Variants in SIK2 observed in about 807,000 individuals in gnomAD.
SIK2 encodes salt inducible kinase 2.
A neutral mutation model predicts 103.2 loss-of-function variants in SIK2; 29 were observed. That is an observed-to-expected ratio of 0.28 (90% CI 0.21 to 0.38). The LOEUF is 0.38. SIK2 is among the 10% of genes least tolerant of loss of function. SIK2 has a pLI of 1.00. For missense variants in SIK2, 879 were observed against 1,171.0 expected (o/e 0.75, Z 3.64); for synonymous variants, 412 against 446.1 (o/e 0.92, Z 0.96).
intron 3 of SIK2, chr11:111,671,920 C>G: frequency 2.2e-6 from 1 of 457,496 alleles, no homozygotes; most frequent in Admixed American, 2.4e-5. Context: ...GCTTCTCTGA[C>G]CCAGAGTGTC....
chr11:111,651,560 A>G (rs926482872), intron 3 of SIK2, among the ~76,000 whole-genome samples: 2 of 152,208 alleles, frequency 1.3e-5, no homozygotes, highest in African/African-American at 4.8e-5. Context: ...GAACATCAGG[A>G]TAAATAGCTA....
rs1462187757 is a variant in SIK2 at position 111,726,216 on chromosome 11, G to A, written c.*2087G>A. 1 of 152,160 alleles carries A rather than the reference G, an allele frequency of 6.6e-6. No homozygotes were observed. Among genetic ancestry groups the A allele is most frequent in the African/African-American group, 2.4e-5 (1 of 41,430 alleles). The allele number at this position is 152,160 out of a possible 1,614,324, so 9.4% of individuals were successfully genotyped here. On this transcript the variant is annotated 3_prime_UTR_variant, in exon 15 of 15. Coordinates refer to ENST00000304987, the MANE Select transcript of SIK2 (RefSeq NM_015191.3). Reference sequence around the variant, plus strand: ...TTAAAATGCCTGCAGATTGAAAATGGGGGCCACTCATTTCAGAACTGCAGG... The same window carrying A: ...TTAAAATGCCTGCAGATTGAAAATGAGGGCCACTCATTTCAGAACTGCAGG...
intron 4 of SIK2, among the ~76,000 whole-genome samples, chr11:111,697,076 G>A (rs749073279): frequency 1.3e-5 from 2 of 152,290 alleles, no homozygotes; most frequent in South Asian, 4.1e-4. Context: ...ATGCCAGTGA[G>A]AGACATAAAG....
intron 3 of SIK2, among the ~76,000 whole-genome samples, chr11:111,664,351 G>T (rs1339979359): frequency 7.2e-5 from 11 of 152,088 alleles, no homozygotes; most frequent in Admixed American, 5.9e-4. Context: ...GGCCAGGCAC[G>T]GTGGCTCACA....
At chr11:111,719,517 T>C (rs992704698) in intron 9 of SIK2, among the ~76,000 whole-genome samples, 1 of 152,100 alleles carries the variant, frequency 6.6e-6, no homozygotes, top group South Asian at 2.1e-4. Flanking sequence ...AAGTTGTTTA[T>C]TGTAATAATG....
chr11:111,683,611 C>G (rs1432617474), intron 3 of SIK2, among the ~76,000 whole-genome samples: 1 of 151,964 alleles, frequency 6.6e-6, no homozygotes, highest in Non-Finnish European at 1.5e-5. Context: ...GCCACCATGC[C>G]TGACTAATTT....
In SIK2 at chr11:111,703,054, C is replaced by A; in HGVS notation, c.728-149C>A. On this transcript the variant is annotated intron_variant, in intron 6 of 14. Transcript: ENST00000304987. ...TGTGAACTTGAGAAATATAAGTAGC[C>A]TGCATGTGTTCATTTATTCATTTGA... 4.6e-6 allele frequency: 3 copies of A among 648,048 alleles called. No individual in the cohort carries two copies. In the South Asian group the frequency reaches 5.8e-5, roughly 13 times the overall value. 40.1% of individuals were successfully genotyped at this position (648,048 alleles called of 1,614,324 possible). A position where few individuals can be genotyped will look rare whatever the true frequency, so the allele number is the denominator to read the frequency against.
At position 111,722,313 on chromosome 11, in the gene SIK2, C is replaced by T. The variant is rs955877325; in HGVS notation, c.2056-352C>T. 2.0e-5 allele frequency among the ~76,000 whole-genome samples: 3 copies of T among 152,194 alleles called. No individual in the cohort carries two copies. The highest frequency in any genetic ancestry group is 2.9e-5 in the Non-Finnish European group (2 of 68,028). On this transcript the variant is annotated intron_variant, in intron 13 of 14. Transcript: ENST00000304987. The surrounding 1 kb of genome is among the most constrained non-coding windows in gnomAD (Gnocchi z 4.4). Reference sequence around the variant, plus strand: ...GTTGGTGCATAAAAATCTTAAAAAGCGATAAAGCATAGATCCCGTAAAGGA... The same window carrying T: ...GTTGGTGCATAAAAATCTTAAAAAGTGATAAAGCATAGATCCCGTAAAGGA...
chr11:111,688,247 C>A lies in SIK2; in HGVS notation c.478+85C>A. 2 of 1,377,366 alleles carry A rather than the reference C, an allele frequency of 1.5e-6. No individual in the cohort carries two copies. Among genetic ancestry groups the A allele is most frequent in the South Asian group, 1.2e-5 (1 of 81,486 alleles). The allele number at this position is 1,377,366 out of a possible 1,614,324, so 85.3% of individuals were successfully genotyped here. On this transcript the variant is annotated intron_variant, in intron 4 of 14. Transcript: ENST00000304987. This position sits in a 1 kb window ranked among gnomAD's most constrained non-coding sequence, Gnocchi z 4.2. ...GGAAACAGACCTGCAGGCGCAGATT[C>A]AGCAGCATTTCTACCTGATGACATC...
chr11:111,677,897 T>G (rs1347209718), intron 3 of SIK2, among the ~76,000 whole-genome samples: 1 of 152,248 alleles, frequency 6.6e-6, no homozygotes, highest in Non-Finnish European at 1.5e-5. Flanking sequence ...AACCTGAGTT[T>G]ACAGTTTCAC....
Position 111,705,171 on chromosome 11 carries a change from T to A in SIK2, c.1101+32T>A, listed in dbSNP as rs1393407637. ...CCCCCTTAGCTGAGAGTCTTATCTG[T>A]GCATGTGCCTGTTCACATGTTTGAT... On this transcript the variant is annotated intron_variant, in intron 8 of 14. Coordinates refer to ENST00000304987, the MANE Select transcript of SIK2 (RefSeq NM_015191.3). This position sits in a 1 kb window ranked among gnomAD's most constrained non-coding sequence, Gnocchi z 4.3. 6.6e-7 allele frequency: 1 copy of A among 1,507,616 alleles called. No individual in the cohort carries two copies. Among genetic ancestry groups the A allele is most frequent in the East Asian group, 2.6e-5 (1 of 38,994 alleles). 93.4% of individuals were successfully genotyped at this position (1,507,616 alleles called of 1,614,324 possible).
chr11:111,634,514 A>C (rs1210777600), intron 3 of SIK2, among the ~76,000 whole-genome samples: 1 of 151,898 alleles, frequency 6.6e-6, no homozygotes, highest in African/African-American at 2.4e-5. Context: ...ATCTGTCCTT[A>C]CTTCTCCAAC....
chr11:111,608,044 G>C (rs1179446230), intron 1 of SIK2, among the ~76,000 whole-genome samples: 1 of 152,178 alleles, frequency 6.6e-6, no homozygotes, highest in Non-Finnish European at 1.5e-5. Context: ...ATGGGTTCCA[G>C]AATTCATTAG....
chr11:111,680,350 C>G (rs1183027915), intron 3 of SIK2, among the ~76,000 whole-genome samples: 1 of 152,102 alleles, frequency 6.6e-6, no homozygotes, highest in East Asian at 1.9e-4. Flanking sequence ...AAATTTATAA[C>G]TAGAATTGTG....
intron 3 of SIK2, among the ~76,000 whole-genome samples, chr11:111,656,896 A>G (rs1295414725): frequency 6.6e-6 from 1 of 152,226 alleles, no homozygotes; most frequent in African/African-American, 2.4e-5. Context: ...ACTTTAAAAA[A>G]GGACTTTTGT....
chr11:111,643,765 A>T (rs963191256), intron 3 of SIK2, among the ~76,000 whole-genome samples: 4 of 151,750 alleles, frequency 2.6e-5, no homozygotes, highest in Admixed American at 6.6e-5. Context: ...GTGAGCCAAG[A>T]TCACACCATT....
intron 3 of SIK2, among the ~76,000 whole-genome samples, chr11:111,628,239 G>C (rs1052304833): frequency 1.3e-5 from 2 of 151,942 alleles, no homozygotes; most frequent in Non-Finnish European, 2.9e-5. Flanking sequence ...CTTTCTTTCT[G>C]TTTGTGTCTC....
chr11:111,724,431 C>G lies in SIK2; in HGVS notation c.*302C>G, dbSNP rs1021512130. The stretch of plus-strand genomic sequence containing the variant: ...ACAAATGTGTTCCTAAGAAGACATT[C>G]AGACCCAGGTGTTATGCAGGATTAC... On this transcript the variant is annotated 3_prime_UTR_variant, in exon 15 of 15. Transcript: ENST00000304987. 12 of 409,894 alleles carry G rather than the reference C, an allele frequency of 2.9e-5. No individual in the cohort carries two copies. The highest frequency in any genetic ancestry group is 1.6e-4 in the African/African-American group (8 of 50,126). The allele number at this position is 409,894 out of a possible 1,614,324, so 25.4% of individuals were successfully genotyped here.
At chr11:111,663,005 C>T (rs901055098) in intron 3 of SIK2, among the ~76,000 whole-genome samples, 28 of 150,338 alleles carry the variant, frequency 1.9e-4, no homozygotes, top group African/African-American at 6.6e-4. Context: ...GGCTGAGGCA[C>T]GTGGATTTCT....
Sources: allele counts gnomAD v4.1 joint callset (sites outside exome capture counted in the v4.1 genomes callset), GRCh38; gene constraint gnomAD v4.1.1; non-coding constraint Gnocchi (gnomAD v3.1); transcripts MANE v1.5; gene names NCBI Gene and HGNC (gene_info 2026-07-23, HGNC 2026-07-21).